The following TRPC4AP variants were observed in gnomAD, a reference collection of about 807,000 sequenced individuals.
TRPC4AP encodes transient receptor potential cation channel subfamily C member 4 associated protein.
Under a neutral mutation model 99.0 loss-of-function variants are expected in TRPC4AP, and 45 were observed. The observed-to-expected ratio is 0.45, with a 90% confidence interval of 0.36 to 0.58. The LOEUF (loss-of-function observed/expected upper bound fraction) is 0.58. TRPC4AP is among the 20% of genes least tolerant of loss of function. The pLI is 0.00. For missense variants in TRPC4AP, 879 were observed against 985.3 expected (o/e 0.89, Z 1.44); for synonymous variants, 408 against 385.8 (o/e 1.06, Z -0.67).
intron 8 of TRPC4AP, among the ~76,000 whole-genome samples, chr20:35,031,033 A>C (rs1288874729): frequency 6.6e-6 from 1 of 152,088 alleles, no homozygotes; most frequent in Non-Finnish European, 1.5e-5. Flanking sequence ...TTTTATTTCA[A>C]CTTCATCTTT....
In TRPC4AP at chr20:35,092,743, G is replaced by C; in HGVS notation, c.39C>G (p.Gly13=). 6.4e-7 allele frequency: 1 copy of C among 1,562,816 alleles called. No individual in the cohort carries two copies. Among genetic ancestry groups the C allele is most frequent in the Non-Finnish European group, 8.6e-7 (1 of 1,165,728 alleles). ...CTGTGGCTGCCGACCGTCTCCCTCG[G>C]CCGGCTCCAGACCCAGCCGCTACCG... is the stretch of plus-strand genomic sequence containing the variant. The part of the protein sequence containing the change: ...AAPVAAGSGA[G]RGRRSAATVA... The change falls in exon 1 of 19, where the codon GGC becomes GGG. Residue 13 remains glycine, a synonymous_variant. Transcript: ENST00000252015.
At chr20:35,084,255 C>T (rs1008673125) in intron 1 of TRPC4AP, among the ~76,000 whole-genome samples, 7 of 149,754 alleles carry the variant, frequency 4.7e-5, no homozygotes, top group East Asian at 2.0e-4. Flanking sequence ...GGCAACAGTG[C>T]GAGACTCCGT....
In TRPC4AP at chr20:35,073,290, T is replaced by C. The variant is rs2084372917; in HGVS notation, c.298-3878A>G. 2.0e-5 allele frequency among the ~76,000 whole-genome samples: 3 copies of C among 152,220 alleles called. No homozygotes were observed. The South Asian group carries it at 6.2e-4, about 32-fold the overall frequency. ...ATTTCTTTCTCCTGCCTGACTTCCCTGGCCAAAACTTCCGACACTATGTTG... is the reference window on the plus strand; with the variant it reads ...ATTTCTTTCTCCTGCCTGACTTCCCCGGCCAAAACTTCCGACACTATGTTG... On this transcript the variant is annotated intron_variant, in intron 2 of 18. Transcript: ENST00000252015.
intron 9 of TRPC4AP, among the ~76,000 whole-genome samples, chr20:35,018,269 T>C (rs2082798746): frequency 1.3e-5 from 2 of 152,166 alleles, no homozygotes; most frequent in South Asian, 4.1e-4. Context: ...GTTTGAGGTT[T>C]CTACTACATC....
intron 7 of TRPC4AP, 98 bp downstream of exon 7, chr20:35,044,407 A>AG: frequency 7.8e-7 from 1 of 1,275,336 alleles, no homozygotes; most frequent in South Asian, 1.5e-5. Context: ...AAGGAAAAAA[A>AG]AAAAAAAAGA....
At chr20:35,018,596 C>CAAAA (rs2082806598) in intron 9 of TRPC4AP, among the ~76,000 whole-genome samples, 1 of 36,192 alleles carries the variant, frequency 2.8e-5, no homozygotes, top group Non-Finnish European at 5.1e-5. Flanking sequence ...AAGACTGTCT[C>CAAAA]AAAAAAAGAA....
At chr20:35,037,509 T>C (rs2083347485) in intron 7 of TRPC4AP, among the ~76,000 whole-genome samples, 1 of 151,944 alleles carries the variant, frequency 6.6e-6, no homozygotes, top group Admixed American at 6.6e-5. Context: ...AAGATGAAAA[T>C]ATCCCAAATG....
In TRPC4AP at chr20:35,056,985, C is replaced by CAAAAAAA. The variant is rs398035624; in HGVS notation, c.472+522_472+528dup. Among the ~76,000 whole-genome samples, 4 of 90,294 alleles carry CAAAAAAA rather than the reference C, an allele frequency of 4.4e-5. 1 individual carries two copies. Among genetic ancestry groups the CAAAAAAA allele is most frequent in the Non-Finnish European group, 6.2e-5 (3 of 48,070 alleles). The allele number at this position is 90,294 out of a possible 152,430, so 59.2% of individuals were successfully genotyped here. A position where few individuals can be genotyped will look rare whatever the true frequency, so the allele number is the denominator to read the frequency against. ...TGGGCAACAGAGCGAGAGACTGTCT[C>CAAAAAAA]AAAAAAAAAAAAATTGAATACCTAA... On this transcript the variant is annotated intron_variant, in intron 4 of 18. Coordinates refer to ENST00000252015, the MANE Select transcript of TRPC4AP (RefSeq NM_015638.3).
chr20:35,036,453 TAA>T (rs2083320730), intron 7 of TRPC4AP, among the ~76,000 whole-genome samples: 2 of 152,224 alleles, frequency 1.3e-5, no homozygotes, highest in African/African-American at 4.8e-5. Context: ...TACACCTAAT[TAA>T]AAATTAATAA....
At chr20:35,024,085 ACT>A (rs1407091585) in intron 8 of TRPC4AP, among the ~76,000 whole-genome samples, 2 of 146,604 alleles carry the variant, frequency 1.4e-5, no homozygotes, top group South Asian at 2.2e-4. Flanking sequence ...AGCGGTCACC[ACT>A]CTCTGTCTGC....
At chr20:35,047,070 T>C (rs2083575876) in intron 6 of TRPC4AP, among the ~76,000 whole-genome samples, 1 of 152,136 alleles carries the variant, frequency 6.6e-6, no homozygotes, top group Non-Finnish European at 1.5e-5. Context: ...GGTTTCACCC[T>C]GTTGGCCAGG....
intron 8 of TRPC4AP, among the ~76,000 whole-genome samples, chr20:35,029,495 T>C (rs950249295): frequency 2.0e-5 from 3 of 152,058 alleles, no homozygotes; most frequent in Admixed American, 2.0e-4. Flanking sequence ...CCATTTAACT[T>C]TTTGTTTTCT....
intron 3 of TRPC4AP, among the ~76,000 whole-genome samples, chr20:35,060,791 A>G (rs2083985498): frequency 6.6e-6 from 1 of 152,052 alleles, no homozygotes. Context: ...AAAAAACCCA[A>G]AACACTTTCA....
intron 1 of TRPC4AP, 114 bp from the exon 2 acceptor site, chr20:35,078,288 C>A: frequency 9.6e-7 from 1 of 1,042,560 alleles, no homozygotes; most frequent in Non-Finnish European, 1.4e-6. Context: ...AAATTTATCT[C>A]TAAGCACTAC....
intron 7 of TRPC4AP, among the ~76,000 whole-genome samples, chr20:35,038,890 T>C (rs929309256): frequency 8.5e-5 from 13 of 152,260 alleles, no homozygotes; most frequent in African/African-American, 3.1e-4. Flanking sequence ...CTGGCCAATA[T>C]GGCAAAACCG....
At chr20:35,064,925 T>C (rs1372716778) in intron 3 of TRPC4AP, among the ~76,000 whole-genome samples, 1 of 152,232 alleles carries the variant, frequency 6.6e-6, no homozygotes. Context: ...CTAACGGTCT[T>C]GGTATACACA....
rs368989056 is a variant in TRPC4AP at position 35,090,438 on chromosome 20, G to T, written c.168+2176C>A. Among the ~76,000 whole-genome samples the T allele has an allele frequency of 7.6e-4, 106 of 138,946 alleles. 1 individual carries two copies. The highest frequency in any genetic ancestry group is 2.5e-3 in the African/African-American group (94 of 37,216). The allele number at this position is 138,946 out of a possible 152,430, so 91.2% of individuals were successfully genotyped here. A position where few individuals can be genotyped will look rare whatever the true frequency, so the allele number is the denominator to read the frequency against. Reference sequence around the variant, plus strand: ...GTCACCCAGGCTGGAGTGCAGTGGCGTGATCTCAGCTCACAACCTCCACCT... The same window carrying T: ...GTCACCCAGGCTGGAGTGCAGTGGCTTGATCTCAGCTCACAACCTCCACCT... On this transcript the variant is annotated intron_variant, in intron 1 of 18. Transcript: ENST00000252015.
chr20:35,003,896 C>T (rs1039193708), intron 17 of TRPC4AP, among the ~76,000 whole-genome samples: 6 of 152,326 alleles, frequency 3.9e-5, no homozygotes, highest in South Asian at 2.1e-4. Flanking sequence ...TCACTCCTTC[C>T]GGAAGGTCCG....
At chr20:35,086,079 A>T (rs980929939) in intron 1 of TRPC4AP, among the ~76,000 whole-genome samples, 1 of 86,980 alleles carries the variant, frequency 1.1e-5, no homozygotes, top group Non-Finnish European at 2.3e-5. Context: ...CACCACTGCC[A>T]CCAAGTAGCT....
Sources: allele counts gnomAD v4.1 joint callset (sites outside exome capture counted in the v4.1 genomes callset), GRCh38; gene constraint gnomAD v4.1.1; transcripts MANE v1.5; gene names NCBI Gene and HGNC (gene_info 2026-07-23, HGNC 2026-07-21).